Variants in USH2A observed in about 807,000 individuals in gnomAD.
USH2A encodes the protein usherin.
In USH2A, 443 loss-of-function variants were observed where a neutral mutation model predicts 538.9. The ratio of observed to expected loss-of-function variants is 0.82; its 90% CI spans 0.76 to 0.89. The LOEUF (loss-of-function observed/expected upper bound fraction) is 0.89. Ranked by LOEUF, USH2A falls within the 40% of genes least tolerant of loss-of-function variation. USH2A has a pLI of 0.00. For synonymous variants in USH2A, 2,413 were observed against 2,273.5 expected, an observed-to-expected ratio of 1.06 and a Z score of -1.75; for missense variants, 6,633 against 6,324.8, an observed-to-expected ratio of 1.05 and a Z score of -1.65.
chr1:215,983,714 C>G (rs535884958), intron 35 of USH2A, among the ~76,000 whole-genome samples: 1 of 152,188 alleles, frequency 6.6e-6, no homozygotes. Context: ...AACAGGAAAC[C>G]AATGACAACT....
chr1:216,239,072 G>A (rs1386800363), intron 13 of USH2A, among the ~76,000 whole-genome samples: 2 of 150,038 alleles, frequency 1.3e-5, no homozygotes, highest in African/African-American at 2.5e-5. Flanking sequence ...TCTTTTCAAT[G>A]CAAGTTTTAC....
At chr1:215,727,579 T>C (rs1409460677) in intron 61 of USH2A, among the ~76,000 whole-genome samples, 1 of 151,688 alleles carries the variant, frequency 6.6e-6, no homozygotes, top group African/African-American at 2.4e-5. Context: ...ATACAAAAAT[T>C]AGTTGGGCAG....
intron 38 of USH2A, among the ~76,000 whole-genome samples, chr1:215,920,959 CACATATGAAT>C (rs1440258541): frequency 3.3e-5 from 5 of 151,916 alleles, no homozygotes; most frequent in Non-Finnish European, 7.4e-5. Context: ...TAGAATATTC[CACATATGAAT>C]AAGTGTCTTC....
At chr1:215,921,294 T>C (rs1420811147) in intron 38 of USH2A, among the ~76,000 whole-genome samples, 1 of 152,072 alleles carries the variant, frequency 6.6e-6, no homozygotes, top group Non-Finnish European at 1.5e-5. Context: ...TGAGTCCAAC[T>C]GGTTGGTTTC....
intron 35 of USH2A, among the ~76,000 whole-genome samples, chr1:215,980,929 T>C (rs2764949): frequency 0.82 from 124,048 of 151,970 alleles, 50,835 homozygotes; most frequent in East Asian, 0.94. Flanking sequence ...TATATGTGTC[T>C]TGAAGCGCAT....
chr1:215,748,363 CT>C (rs1405095904), intron 58 of USH2A, among the ~76,000 whole-genome samples: 1 of 152,122 alleles, frequency 6.6e-6, no homozygotes, highest in Non-Finnish European at 1.5e-5. Context: ...AGCATTATCA[CT>C]CTTTAGCCAA....
Position 215,657,763 on chromosome 1 carries a change from A to C in USH2A, c.14134-6962T>G, listed in dbSNP as rs186651333. 1.1e-4 allele frequency among the ~76,000 whole-genome samples: 17 copies of C among 152,260 alleles called. No homozygotes were observed. In the East Asian group the frequency reaches 3.3e-3, roughly 29 times the overall value. ...GTTCAGAGACGTGAAGCTACTGGAA[A>C]AATAACAAGACATTTCCCATGCTAG... On this transcript the variant is annotated intron_variant, in intron 64 of 71. Coordinates refer to ENST00000307340, the MANE Select transcript of USH2A (RefSeq NM_206933.4).
At chr1:215,764,811 A>C in intron 56 of USH2A, among the ~76,000 whole-genome samples, 1 of 152,148 alleles carries the variant, frequency 6.6e-6, no homozygotes, top group Non-Finnish European at 1.5e-5. Flanking sequence ...AGGTGTTCCC[A>C]AGTTAAGCAT....
chr1:215,780,834 C>T (rs2102761574), intron 54 of USH2A, among the ~76,000 whole-genome samples: 1 of 152,334 alleles, frequency 6.6e-6, no homozygotes, highest in South Asian at 2.1e-4. Context: ...GTCTGTTGAA[C>T]AAAATGTTGC....
intron 61 of USH2A, among the ~76,000 whole-genome samples, chr1:215,703,327 G>A (rs768127262): frequency 2.0e-4 from 31 of 152,202 alleles, no homozygotes; most frequent in Non-Finnish European, 1.6e-4. Flanking sequence ...GTCCCTTAGC[G>A]GAGCTCAAGT....
chr1:215,659,678 A>G (rs1256911881), intron 64 of USH2A, among the ~76,000 whole-genome samples: 1 of 152,034 alleles, frequency 6.6e-6, no homozygotes, highest in Non-Finnish European at 1.5e-5. Context: ...AATTTTACAG[A>G]TAAGAAAACT....
chr1:215,747,314 C>CA (rs1351434741), intron 58 of USH2A, among the ~76,000 whole-genome samples: 13 of 152,124 alleles, frequency 8.5e-5, no homozygotes, highest in African/African-American at 2.9e-4. Flanking sequence ...GAAAAGATAT[C>CA]ATAACAAAAA....
At chr1:216,273,777 A>G (rs2036617898) in intron 11 of USH2A, among the ~76,000 whole-genome samples, 1 of 151,468 alleles carries the variant, frequency 6.6e-6, no homozygotes, top group Non-Finnish European at 1.5e-5. Context: ...GACTTGTTAA[A>G]TAGAGAATGC....
In USH2A at chr1:216,175,184, A is replaced by C; in HGVS notation, c.4627+68T>G. On this transcript the variant is annotated intron_variant, in intron 21 of 71. Transcript: ENST00000307340. ...TATAATAAAAATTCATTGTAAAGGG[A>C]TATGAAAATATAGAAAACATTTTGG... 12 of 1,602,326 alleles carry C rather than the reference A, an allele frequency of 7.5e-6. No individual in the cohort carries two copies. In the South Asian group the frequency reaches 1.3e-4, roughly 18 times the overall value.
intron 38 of USH2A, among the ~76,000 whole-genome samples, chr1:215,921,907 G>T (rs1666108048): frequency 2.0e-5 from 3 of 151,978 alleles, no homozygotes; most frequent in African/African-American, 7.2e-5. Context: ...TGGTATGAGT[G>T]ATCACAACAT....
At chr1:216,173,588 G>A (rs2034313630) in intron 21 of USH2A, among the ~76,000 whole-genome samples, 1 of 152,150 alleles carries the variant, frequency 6.6e-6, no homozygotes, top group African/African-American at 2.4e-5. Flanking sequence ...TTTTTAAAGA[G>A]GAATTTGGAA....
intron 3 of USH2A, among the ~76,000 whole-genome samples, chr1:216,394,781 C>T (rs922092328): frequency 6.1e-5 from 8 of 130,640 alleles, no homozygotes; most frequent in East Asian, 2.7e-4. Flanking sequence ...TGCAGTGGCG[C>T]GATCTCCGCT....
chr1:216,052,292 A>C (rs539599519), intron 30 of USH2A, among the ~76,000 whole-genome samples: 28 of 151,800 alleles, frequency 1.8e-4, no homozygotes, highest in African/African-American at 6.8e-4. Context: ...AAGTGCTCAC[A>C]TTTCCCATTT....
At chr1:216,210,797 A>T (rs1368189071) in intron 15 of USH2A, among the ~76,000 whole-genome samples, 6 of 152,054 alleles carry the variant, frequency 3.9e-5, no homozygotes, top group African/African-American at 1.4e-4. Context: ...CCTGGCCAAC[A>T]TGGTGAAACC....
Sources: allele counts gnomAD v4.1 joint callset (sites outside exome capture counted in the v4.1 genomes callset), GRCh38; gene constraint gnomAD v4.1.1; transcripts MANE v1.5; gene names NCBI Gene and HGNC (gene_info 2026-07-23, HGNC 2026-07-21).